The following USH2A variants were observed in gnomAD, a reference collection of about 807,000 sequenced individuals.
USH2A encodes the protein usherin, also known as Usher syndrome 2A (autosomal recessive, mild).
A neutral mutation model predicts 538.9 loss-of-function variants in USH2A; 443 were observed. The observed-to-expected ratio is 0.82, with a 90% CI of 0.76 to 0.89. The LOEUF (loss-of-function observed/expected upper bound fraction) is 0.89, where lower values mean the gene tolerates loss of function less well. Ranked by LOEUF, USH2A falls within the 40% of genes least tolerant of loss-of-function variation. The probability of loss-of-function intolerance (pLI) is 0.00; values close to 1 mark genes in which losing one functional copy is unlikely to be tolerated. For synonymous variants in USH2A, 2,413 were observed against 2,273.5 expected (o/e 1.06, Z -1.75); for missense variants, 6,633 against 6,324.8 (o/e 1.05, Z -1.65).
At chr1:215,966,054 G>A (rs1244792195) in intron 36 of USH2A, among the ~76,000 whole-genome samples, 1 of 151,712 alleles carries the variant, frequency 6.6e-6, no homozygotes, top group South Asian at 2.1e-4. Context: ...ATGGCATCAT[G>A]CTAACATTAA....
chr1:216,007,263 C>G (rs754999621), intron 32 of USH2A, among the ~76,000 whole-genome samples: 7 of 152,046 alleles, frequency 4.6e-5, no homozygotes, highest in African/African-American at 7.2e-5. Flanking sequence ...TGAAAACGAA[C>G]TAGTACACTC....
intron 60 of USH2A, among the ~76,000 whole-genome samples, chr1:215,731,792 G>A (rs1408931558): frequency 6.6e-6 from 1 of 152,084 alleles, no homozygotes; most frequent in Admixed American, 6.6e-5. Flanking sequence ...CAATTTTGAG[G>A]TTATGAAACT....
chr1:216,120,904 T>A (rs1287035818), intron 21 of USH2A, among the ~76,000 whole-genome samples: 3 of 152,086 alleles, frequency 2.0e-5, no homozygotes, highest in African/African-American at 4.8e-5. Context: ...TATGATTACA[T>A]GAGACAGCAA....
chr1:216,048,444 C>A, intron 31 of USH2A, 90 bp downstream of exon 31: 3 of 1,335,726 alleles, frequency 2.2e-6, no homozygotes, highest in Non-Finnish European at 3.2e-6. Flanking sequence ...TTGGGGTTTG[C>A]CAGCAAATGG....
Position 216,359,618 on chromosome 1 carries a change from A to T in USH2A, c.784+5335T>A, listed in dbSNP as rs537575108. Reference sequence around the variant, plus strand: ...GAAAAACAAAATAACATTTTATATTATTTCAGAATTAATAAGTGCATCAGA... The same window carrying T: ...GAAAAACAAAATAACATTTTATATTTTTTCAGAATTAATAAGTGCATCAGA... On this transcript the variant is annotated intron_variant, in intron 4 of 71. Transcript: ENST00000307340. Among the ~76,000 whole-genome samples, 3 of 152,214 alleles carry T rather than the reference A, an allele frequency of 2.0e-5. 1 individual carries two copies. The South Asian group carries it at 6.2e-4, about 32-fold the overall frequency.
chr1:215,907,133 G>A (rs570629797), intron 38 of USH2A, among the ~76,000 whole-genome samples: 2 of 152,030 alleles, frequency 1.3e-5, no homozygotes, highest in East Asian at 3.9e-4. Flanking sequence ...CAAAACTTAG[G>A]GCAAATATAA....
chr1:216,336,692 G>T (rs2037981710), intron 4 of USH2A, among the ~76,000 whole-genome samples: 1 of 151,336 alleles, frequency 6.6e-6, no homozygotes, highest in Admixed American at 6.6e-5. Context: ...TCCAAGAACG[G>T]TCCTGGAATA....
At chr1:215,953,427 G>T (rs1012238685) in intron 37 of USH2A, among the ~76,000 whole-genome samples, 5 of 152,118 alleles carry the variant, frequency 3.3e-5, no homozygotes, top group South Asian at 4.1e-4. Flanking sequence ...ACAACTATCT[G>T]ATCTTTGGCA....
At chr1:215,894,207 T>C (rs747777282) in intron 40 of USH2A, among the ~76,000 whole-genome samples, 3 of 152,152 alleles carry the variant, frequency 2.0e-5, no homozygotes, top group Non-Finnish European at 4.4e-5. Flanking sequence ...TAGTTCCTCT[T>C]TCTTCATTAA....
intron 36 of USH2A, among the ~76,000 whole-genome samples, chr1:215,969,229 G>C (rs893351057): frequency 6.6e-6 from 1 of 152,122 alleles, no homozygotes; most frequent in African/African-American, 2.4e-5. Flanking sequence ...ATAAAGAAAA[G>C]TACCAAGGGA....
intron 11 of USH2A, among the ~76,000 whole-genome samples, chr1:216,260,480 G>A (rs932885348): frequency 5.1e-4 from 78 of 152,226 alleles, no homozygotes; most frequent in East Asian, 3.9e-4. Flanking sequence ...CCCAGTGAGG[G>A]GAGGAGTTCT....
At chr1:216,053,035 C>T (rs1040456129) in intron 30 of USH2A, among the ~76,000 whole-genome samples, 14 of 152,150 alleles carry the variant, frequency 9.2e-5, no homozygotes, top group South Asian at 2.1e-4. Context: ...CTATATGCGT[C>T]TGGAAAAGGT....
intron 4 of USH2A, among the ~76,000 whole-genome samples, chr1:216,342,171 A>T (rs1016068360): frequency 6.6e-6 from 1 of 152,134 alleles, no homozygotes; most frequent in African/African-American, 2.4e-5. Context: ...CCCCATCAAA[A>T]AGTGGGCAAA....
At chr1:216,075,329 A>G (rs1274550429) in intron 27 of USH2A, among the ~76,000 whole-genome samples, 1 of 152,152 alleles carries the variant, frequency 6.6e-6, no homozygotes, top group African/African-American at 2.4e-5. Context: ...TCAACTCTGT[A>G]CCACCAGAAA....
intron 11 of USH2A, among the ~76,000 whole-genome samples, chr1:216,286,357 G>A (rs551459868): frequency 2.6e-5 from 4 of 152,178 alleles, no homozygotes; most frequent in Non-Finnish European, 5.9e-5. Context: ...TGCCATGTAA[G>A]ACATGCCTTT....
chr1:215,918,998 G>A (rs561207450), intron 38 of USH2A, among the ~76,000 whole-genome samples: 6 of 151,986 alleles, frequency 3.9e-5, no homozygotes, highest in Non-Finnish European at 5.9e-5. Flanking sequence ...TATTAATAAC[G>A]CTTCTTTTAT....
intron 60 of USH2A, among the ~76,000 whole-genome samples, chr1:215,728,808 A>G (rs2102714248): frequency 1.3e-5 from 2 of 152,352 alleles, no homozygotes; most frequent in South Asian, 4.1e-4. Context: ...AGAAGCATAT[A>G]TTAAACATTA....
chr1:215,840,021 G>A (rs193090704), intron 46 of USH2A, among the ~76,000 whole-genome samples: 4 of 151,642 alleles, frequency 2.6e-5, no homozygotes, highest in East Asian at 1.9e-4. Flanking sequence ...AGAATAACCT[G>A]GTGTGGTGGT....
chr1:215,956,421 T>C (rs1440797315), intron 37 of USH2A, among the ~76,000 whole-genome samples: 3 of 152,184 alleles, frequency 2.0e-5, no homozygotes, highest in East Asian at 1.9e-4. Flanking sequence ...TTTTATTTTA[T>C]TTTTTAAATT....
Sources: gnomAD v4.1 joint callset for allele counts (sites outside exome capture counted in the v4.1 genomes callset) on GRCh38, gnomAD v4.1.1 for gene constraint, MANE v1.5 for transcripts, NCBI Gene and HGNC (gene_info 2026-07-23, HGNC 2026-07-21) for gene names.